The following CDC42SE2 variants were observed in gnomAD, a reference collection of about 807,000 sequenced individuals.
CDC42SE2 encodes CDC42 small effector 2.
Under a neutral mutation model 11.5 loss-of-function variants are expected in CDC42SE2, and 3 were observed. The observed-to-expected ratio is 0.26, with a 90% CI of 0.12 to 0.67. The LOEUF is 0.67. Among genes scored for constraint, CDC42SE2 ranks in the 30% least tolerant of loss-of-function variants. The pLI is 0.80. For missense variants in CDC42SE2, 82 were observed against 106.8 expected (o/e 0.77, Z 1.02); for synonymous variants, 33 against 34.8 (o/e 0.95, Z 0.18).
At chr5:131,265,602 C>G (rs960910874) in intron 1 of CDC42SE2, among the ~76,000 whole-genome samples, 1 of 152,152 alleles carries the variant, frequency 6.6e-6, no homozygotes. Context: ...TTATTGATGT[C>G]GCAAGTGGTG....
chr5:131,283,861 T>C (rs1385363610), intron 1 of CDC42SE2, among the ~76,000 whole-genome samples: 1 of 152,248 alleles, frequency 6.6e-6, no homozygotes, highest in African/African-American at 2.4e-5. Context: ...TGTCCATTTA[T>C]CAGTGAATGG....
At chr5:131,236,267 G>A in the CDC42SE2 span, among the ~76,000 whole-genome samples, 1 of 152,014 alleles carries the variant, frequency 6.6e-6, no homozygotes, top group Non-Finnish European at 1.5e-5. Flanking sequence ...TTTTTTGTCA[G>A]ATTTAGAAGG....
Position 131,361,177 on chromosome 5 carries a change from ATATATAATAAAGGG to A in CDC42SE2, c.54+1643_54+1656del, listed in dbSNP as rs1404348304. On this transcript the variant is annotated intron_variant, in intron 3 of 4. Coordinates refer to ENST00000505065, the MANE Select transcript of CDC42SE2 (RefSeq NM_001375635.1). ...GCCCAGGCTGGAGTGCAGTGACGTG[ATATATAATAAAGGG>A]TATATAATAAAGTGAATTCTCTTCA... Among the ~76,000 whole-genome samples the A allele has an allele frequency of 2.0e-5, 3 of 151,476 alleles. No individual in the cohort carries two copies. In the South Asian group the frequency reaches 6.2e-4, roughly 32 times the overall value.
intron 2 of CDC42SE2, among the ~76,000 whole-genome samples, chr5:131,343,173 A>G (rs1229193096): frequency 1.3e-5 from 2 of 152,156 alleles, no homozygotes; most frequent in African/African-American, 4.8e-5. Flanking sequence ...TAACATAGAA[A>G]TAGATGGGAG....
intron 2 of CDC42SE2, among the ~76,000 whole-genome samples, chr5:131,329,454 A>G (rs1038776229): frequency 6.6e-6 from 1 of 152,208 alleles, no homozygotes; most frequent in African/African-American, 2.4e-5. Flanking sequence ...TCCTCTTGGT[A>G]AGAATTGGAT....
chr5:131,235,007 G>A, the CDC42SE2 span, among the ~76,000 whole-genome samples: 4 of 150,880 alleles, frequency 2.7e-5, no homozygotes, highest in South Asian at 6.3e-4. Flanking sequence ...TCCTGCCTCA[G>A]CCTCCTGAGC....
chr5:131,233,832 A>T, the CDC42SE2 span, among the ~76,000 whole-genome samples: 5 of 152,288 alleles, frequency 3.3e-5, no homozygotes, highest in East Asian at 5.8e-4. Flanking sequence ...CTGCCTCATT[A>T]AAACTTCCCA....
At chr5:131,230,565 T>C in the CDC42SE2 span, among the ~76,000 whole-genome samples, 2 of 152,186 alleles carry the variant, frequency 1.3e-5, no homozygotes, top group African/African-American at 4.8e-5. Flanking sequence ...ATGGATTCTC[T>C]CCCTTTGCCA....
intron 1 of CDC42SE2, among the ~76,000 whole-genome samples, chr5:131,285,261 A>T (rs1329618354): frequency 1.3e-5 from 2 of 152,026 alleles, no homozygotes; most frequent in African/African-American, 4.8e-5. Flanking sequence ...TGGGTGACAG[A>T]GTGAGACCCT....
At chr5:131,367,592 C>T (rs1014684090) in intron 3 of CDC42SE2, among the ~76,000 whole-genome samples, 7 of 152,136 alleles carry the variant, frequency 4.6e-5, no homozygotes, top group South Asian at 2.1e-4. Flanking sequence ...TGAGGTTAAG[C>T]GAAGCACTTC....
chr5:131,340,348 G>A lies in CDC42SE2; in HGVS notation c.-285-18861G>A, dbSNP rs183264964. On this transcript the variant is annotated intron_variant, in intron 2 of 4. Transcript: ENST00000505065. ...GGAACATGTATCATCCCTTTGTGCA[G>A]TGTATCTACTCTATATGCTACCCGT... Among the ~76,000 whole-genome samples, 825 of 152,244 alleles carry A rather than the reference G, an allele frequency of 5.4e-3. 11 individuals are homozygous for A. Among genetic ancestry groups the A allele is most frequent in the South Asian group, 0.043 (205 of 4,822 alleles).
At chr5:131,227,460 C>A in the CDC42SE2 span, among the ~76,000 whole-genome samples, 3 of 151,870 alleles carry the variant, frequency 2.0e-5, no homozygotes, top group African/African-American at 7.3e-5. Context: ...CGTGGTGAAA[C>A]CCCGTCTCTA....
At chr5:131,311,870 T>C (rs1329827756) in intron 1 of CDC42SE2, among the ~76,000 whole-genome samples, 2 of 152,194 alleles carry the variant, frequency 1.3e-5, no homozygotes, top group Non-Finnish European at 1.5e-5. Context: ...AGTTTTCAAC[T>C]TCTTTGCCTT....
chr5:131,278,423 G>T (rs1757148645), intron 1 of CDC42SE2, among the ~76,000 whole-genome samples: 1 of 151,984 alleles, frequency 6.6e-6, no homozygotes, highest in Non-Finnish European at 1.5e-5. Context: ...GAACTGTTGT[G>T]ATGATTCTTA....
intron 2 of CDC42SE2, among the ~76,000 whole-genome samples, chr5:131,347,682 C>A (rs534845790): frequency 6.6e-6 from 1 of 152,238 alleles, no homozygotes; most frequent in African/African-American, 2.4e-5. Flanking sequence ...TAAAGCCTGG[C>A]AGAGACACAA....
chr5:131,264,700 G>A (rs575953049), intron 1 of CDC42SE2, among the ~76,000 whole-genome samples: 2 of 152,360 alleles, frequency 1.3e-5, no homozygotes, highest in Non-Finnish European at 2.9e-5. Flanking sequence ...AAAGCCCTTG[G>A]CTACCTCGTC....
At chr5:131,383,069 G>A (rs941496846) in intron 3 of CDC42SE2, among the ~76,000 whole-genome samples, 3 of 152,172 alleles carry the variant, frequency 2.0e-5, no homozygotes, top group Admixed American at 6.5e-5. Context: ...TATGTTGAAT[G>A]GGGTGGTTGG....
At chr5:131,300,935 A>G (rs1032940980) in intron 1 of CDC42SE2, among the ~76,000 whole-genome samples, 4 of 152,360 alleles carry the variant, frequency 2.6e-5, no homozygotes, top group Admixed American at 6.5e-5. Flanking sequence ...CATTGTAATA[A>G]GTAAACACTT....
chr5:131,302,817 A>C (rs1757710592), intron 1 of CDC42SE2, among the ~76,000 whole-genome samples: 1 of 149,238 alleles, frequency 6.7e-6, no homozygotes, highest in Non-Finnish European at 1.5e-5. Flanking sequence ...TTGTTGCCTC[A>C]TGACTCTTTT....
Sources: allele counts gnomAD v4.1 joint callset (sites outside exome capture counted in the v4.1 genomes callset), GRCh38; gene constraint gnomAD v4.1.1; transcripts MANE v1.5; gene names NCBI Gene and HGNC (gene_info 2026-07-23, HGNC 2026-07-21).